The following TMPRSS7 variants were observed in gnomAD, a reference collection of about 807,000 sequenced individuals.
TMPRSS7 encodes transmembrane protease serine 7.
In TMPRSS7, 81 loss-of-function variants were observed where a neutral mutation model predicts 95.6. The ratio of observed to expected loss-of-function variants is 0.85; its 90% CI spans 0.71 to 1.02. The LOEUF is 1.02. Among genes scored for constraint, TMPRSS7 ranks in the 50% least tolerant of loss-of-function variants. The probability of loss-of-function intolerance (pLI) is 0.00; values close to 1 mark genes in which losing one functional copy is unlikely to be tolerated. For missense variants in TMPRSS7, 945 were observed against 955.2 expected, an observed-to-expected ratio of 0.99 and a Z score of 0.14; for synonymous variants, 364 against 337.8, an observed-to-expected ratio of 1.08 and a Z score of -0.85.
intron 1 of TMPRSS7, among the ~76,000 whole-genome samples, chr3:112,035,374 G>A (rs2073144230): frequency 6.6e-6 from 1 of 152,154 alleles, no homozygotes. Context: ...ATGATGTCTG[G>A]TCTAGTTCAA....
At chr3:112,045,903 G>A (rs371377353) in exon 5 of TMPRSS7, 1 of 1,551,856 alleles carries the variant, frequency 6.4e-7, no homozygotes, top group South Asian at 1.2e-5. Flanking sequence ...TGGGGAGCTT[G>A]CAGGGACTGG....
At chr3:112,076,879 G>C in exon 16 of TMPRSS7, 1 of 1,613,624 alleles carries the variant, frequency 6.2e-7, no homozygotes. Context: ...CTATCAGGCT[G>C]TCAGATCCCA....
chr3:112,061,959 A>T, intron 11 of TMPRSS7, 36 bp downstream of exon 11: 1 of 1,535,910 alleles, frequency 6.5e-7, no homozygotes, highest in Non-Finnish European at 8.8e-7. Flanking sequence ...AAAACTTAAT[A>T]CTTACATAGA....
intron 4 of TMPRSS7, among the ~76,000 whole-genome samples, chr3:112,044,963 G>A (rs1439141421): frequency 6.6e-6 from 1 of 152,134 alleles, no homozygotes; most frequent in Non-Finnish European, 1.5e-5. Flanking sequence ...GGGGCCGACT[G>A]GAAACCAAAT....
At chr3:112,063,336 T>C (rs549104129) in intron 11 of TMPRSS7, among the ~76,000 whole-genome samples, 189 bp from the exon 12 acceptor site, 1 of 152,350 alleles carries the variant, frequency 6.6e-6, no homozygotes, top group African/African-American at 2.4e-5. Context: ...CTTTCTTCTT[T>C]GCTCTTCTGT....
At chr3:112,063,618 A>G in exon 12 of TMPRSS7, 2 of 1,613,962 alleles carry the variant, frequency 1.2e-6, no homozygotes, top group Non-Finnish European at 1.7e-6. Context: ...GATGAAAGTG[A>G]TGAACTGTTT....
chr3:112,049,243 A>G (rs1675145736), intron 7 of TMPRSS7, among the ~76,000 whole-genome samples: 1 of 152,052 alleles, frequency 6.6e-6, no homozygotes, highest in South Asian at 2.1e-4. Flanking sequence ...AACCCAGAAT[A>G]CTTTGTAACT....
intron 12 of TMPRSS7, among the ~76,000 whole-genome samples, chr3:112,064,533 T>C (rs1043332049): frequency 2.0e-5 from 3 of 151,930 alleles, no homozygotes; most frequent in Non-Finnish European, 4.4e-5. Flanking sequence ...AAGATTTTTA[T>C]TAAAGACAAT....
chr3:112,063,710 C>A, intron 12 of TMPRSS7, 78 bp downstream of exon 12: 1 of 1,208,862 alleles, frequency 8.3e-7, no homozygotes, highest in Non-Finnish European at 1.2e-6. Context: ...TGATATATAT[C>A]CTTAGTATTT....
chr3:112,065,984 G>A (rs2073570966), intron 12 of TMPRSS7, among the ~76,000 whole-genome samples: 1 of 152,196 alleles, frequency 6.6e-6, no homozygotes, highest in African/African-American at 2.4e-5. Flanking sequence ...ACTGCTATTT[G>A]TTCGGGGGCT....
At chr3:112,036,629 T>G (rs1203439195) in intron 1 of TMPRSS7, among the ~76,000 whole-genome samples, 1 of 151,950 alleles carries the variant, frequency 6.6e-6, no homozygotes, top group East Asian at 1.9e-4. Context: ...CATAGAATCT[T>G]AACCTTAACC....
chr3:112,037,014 T>A (rs2073153866), intron 1 of TMPRSS7, among the ~76,000 whole-genome samples: 1 of 152,222 alleles, frequency 6.6e-6, no homozygotes, highest in South Asian at 2.1e-4. Flanking sequence ...TGAGGATGTA[T>A]GTAGCCTCAG....
At position 112,047,723 on chromosome 3, in the gene TMPRSS7, G is replaced by A. The variant is rs1476577213; in HGVS notation, c.731-16G>A. 1.3e-6 allele frequency: 2 copies of A among 1,539,444 alleles called. No homozygotes were observed. Among genetic ancestry groups the A allele is most frequent in the African/African-American group, 1.4e-5 (1 of 72,464 alleles). ...AAAAAAAAAGAAAATAAAGGAAAAT[G>A]GTGCTGTCTCCACAGACAAAGGCTG... is the stretch of plus-strand genomic sequence containing the variant. On this transcript the variant is annotated splice_polypyrimidine_tract_variant and intron_variant, in intron 6 of 17. Coordinates refer to ENST00000452346, the Ensembl canonical transcript of TMPRSS7.
chr3:112,063,507 A>G lies in TMPRSS7; in HGVS notation c.1448-18A>G. 1 of 1,600,404 alleles carries G rather than the reference A, an allele frequency of 6.2e-7. No individual in the cohort carries two copies. Among genetic ancestry groups the G allele is most frequent in the Non-Finnish European group, 8.5e-7 (1 of 1,169,890 alleles). On this transcript the variant is annotated intron_variant, in intron 11 of 17. Coordinates refer to ENST00000452346, the Ensembl canonical transcript of TMPRSS7. ...TCTATCCAAGATTTTCTATTTTTTG[A>G]TTTTTTGTTGCCCATAGCCTGCCCT...
At chr3:112,065,575 A>T (rs1553764776) in intron 12 of TMPRSS7, among the ~76,000 whole-genome samples, 2 of 152,134 alleles carry the variant, frequency 1.3e-5, no homozygotes, top group Non-Finnish European at 2.9e-5. Context: ...TCATTGTGCC[A>T]TTTTTTGGAG....
At chr3:112,035,355 C>A (rs553838753) in intron 1 of TMPRSS7, among the ~76,000 whole-genome samples, 1 of 152,134 alleles carries the variant, frequency 6.6e-6, no homozygotes, top group Non-Finnish European at 1.5e-5. Context: ...CTGCAGGACA[C>A]CACATTAAAT....
intron 16 of TMPRSS7, among the ~76,000 whole-genome samples, chr3:112,077,569 T>C (rs2073727222): frequency 6.6e-6 from 1 of 152,228 alleles, no homozygotes; most frequent in African/African-American, 2.4e-5. Flanking sequence ...TATGTGGGTA[T>C]GACCTGTGCC....
chr3:112,058,770 G>T (rs1159843043), intron 10 of TMPRSS7, among the ~76,000 whole-genome samples: 3 of 152,180 alleles, frequency 2.0e-5, no homozygotes, highest in Non-Finnish European at 4.4e-5. Context: ...CCCGGGATGT[G>T]TTTATTGCTG....
chr3:112,041,252 G>A (rs1050505289), intron 2 of TMPRSS7, among the ~76,000 whole-genome samples: 1 of 151,992 alleles, frequency 6.6e-6, no homozygotes, highest in Non-Finnish European at 1.5e-5. Flanking sequence ...CCCTTACCCC[G>A]TGCTTCCTCC....
Sources: allele counts gnomAD v4.1 joint callset (sites outside exome capture counted in the v4.1 genomes callset), GRCh38; gene constraint gnomAD v4.1.1; transcripts MANE v1.5; gene names NCBI Gene and HGNC (gene_info 2026-07-23, HGNC 2026-07-21).